Variants in MGAT5 observed in about 807,000 individuals in gnomAD.
MGAT5 encodes alpha-1,6-mannosylglycoprotein 6-beta-N-acetylglucosaminyltransferase A.
MGAT5 carries 30 observed loss-of-function variants against 94.3 expected under a neutral mutation model. That is an observed-to-expected ratio of 0.32 (90% confidence interval 0.24 to 0.43). The LOEUF is 0.43. MGAT5 is among the 20% of genes least tolerant of loss of function. The probability of loss-of-function intolerance (pLI) is 1.00; values close to 1 mark genes in which losing one functional copy is unlikely to be tolerated. For synonymous variants in MGAT5, 310 were observed against 322.9 expected, an observed-to-expected ratio of 0.96 and a Z score of 0.43; for missense variants, 691 against 905.5, an observed-to-expected ratio of 0.76 and a Z score of 3.04.
At chr2:134,283,362 A>G (rs1684816078) in intron 2 of MGAT5, among the ~76,000 whole-genome samples, 1 of 152,194 alleles carries the variant, frequency 6.6e-6, no homozygotes, top group Non-Finnish European at 1.5e-5. Context: ...GTTTTGGCAA[A>G]TGGTTTTAAG....
At chr2:134,298,216 C>T (rs889428946) in intron 2 of MGAT5, among the ~76,000 whole-genome samples, 1 of 152,134 alleles carries the variant, frequency 6.6e-6, no homozygotes. Context: ...CTACCTCAGC[C>T]TCCCAAGTAG....
At chr2:134,335,673 T>A (rs539329536) in intron 4 of MGAT5, among the ~76,000 whole-genome samples, 1 of 152,138 alleles carries the variant, frequency 6.6e-6, no homozygotes, top group Admixed American at 6.6e-5. Context: ...CTTGAGATAG[T>A]GTGAAGCAAA....
chr2:134,201,621 C>T (rs573978101), intron 1 of MGAT5, among the ~76,000 whole-genome samples: 68 of 152,176 alleles, frequency 4.5e-4, no homozygotes, highest in African/African-American at 1.4e-3. Context: ...ATCCTTTTCT[C>T]CTTTCACCTT....
At chr2:134,355,794 G>T (rs1242647039) in intron 9 of MGAT5, among the ~76,000 whole-genome samples, 1 of 152,042 alleles carries the variant, frequency 6.6e-6, no homozygotes, top group Non-Finnish European at 1.5e-5. Context: ...AAAAACATTG[G>T]CAGTGGTAAA....
At chr2:134,278,497 G>A (rs1684511520) in intron 2 of MGAT5, among the ~76,000 whole-genome samples, 2 of 152,172 alleles carry the variant, frequency 1.3e-5, no homozygotes, top group Admixed American at 6.5e-5. Context: ...CTAGGCCTGG[G>A]TCACATGGGT....
At chr2:134,227,189 C>G (rs1296142563) in intron 1 of MGAT5, among the ~76,000 whole-genome samples, 1 of 152,178 alleles carries the variant, frequency 6.6e-6, no homozygotes, top group Non-Finnish European at 1.5e-5. Context: ...CATACTCTTT[C>G]CCACTGAAAA....
intron 1 of MGAT5, among the ~76,000 whole-genome samples, chr2:134,263,222 T>C (rs543640040): frequency 6.6e-6 from 1 of 152,280 alleles, no homozygotes; most frequent in South Asian, 2.1e-4. Context: ...AATTCTTGGT[T>C]CCTATTCCCT....
intron 11 of MGAT5, among the ~76,000 whole-genome samples, chr2:134,412,308 T>G (rs1683716387): frequency 6.6e-6 from 1 of 152,156 alleles, no homozygotes; most frequent in Non-Finnish European, 1.5e-5. Context: ...AAGATGTTGG[T>G]GTCCCCAGTG....
intron 1 of MGAT5, among the ~76,000 whole-genome samples, chr2:134,234,267 G>A (rs979416976): frequency 2.0e-5 from 3 of 152,202 alleles, no homozygotes; most frequent in Non-Finnish European, 4.4e-5. Context: ...TCCTAGAGCA[G>A]TGATGCCTAT....
At chr2:134,429,779 A>G (rs1034042762) in intron 14 of MGAT5, among the ~76,000 whole-genome samples, 5 of 152,238 alleles carry the variant, frequency 3.3e-5, no homozygotes, top group African/African-American at 9.6e-5. Context: ...GAATGACAGT[A>G]TCATCACAAC....
chr2:134,300,455 AGTAAAGG>A (rs144045905), intron 2 of MGAT5, among the ~76,000 whole-genome samples: 2,636 of 152,216 alleles, frequency 0.017, 86 homozygotes, highest in African/African-American at 0.06. Flanking sequence ...ACCTTAATGG[AGTAAAGG>A]CTGTTTTTTA....
At chr2:134,220,798 C>T (rs1680723673) in intron 1 of MGAT5, among the ~76,000 whole-genome samples, 1 of 152,154 alleles carries the variant, frequency 6.6e-6, no homozygotes, top group South Asian at 2.1e-4. Flanking sequence ...ATGTTACTGA[C>T]TCCTCACTCT....
At chr2:134,185,669 G>A (rs1278642308) in intron 1 of MGAT5, among the ~76,000 whole-genome samples, 3 of 152,110 alleles carry the variant, frequency 2.0e-5, no homozygotes, top group Non-Finnish European at 4.4e-5. Flanking sequence ...CCCAGAAAAA[G>A]AAATTAAACA....
Position 134,335,646 on chromosome 2 carries a change from G to A in MGAT5, c.574-571G>A, listed in dbSNP as rs550350499. Among the ~76,000 whole-genome samples the A allele has an allele frequency of 4.6e-5, 7 of 150,910 alleles. 1 individual carries two copies. The South Asian group carries it at 1.5e-3, about 32-fold the overall frequency. On this transcript the variant is annotated intron_variant, in intron 4 of 15. Transcript: ENST00000281923. ...CTCCTTTCATTTCTTTCTCAGATAG[G>A]TTTTACCACCTTATTTCTTGAGATA...
intron 1 of MGAT5, among the ~76,000 whole-genome samples, chr2:134,198,452 G>A (rs939752107): frequency 6.6e-6 from 1 of 152,220 alleles, no homozygotes; most frequent in Non-Finnish European, 1.5e-5. Context: ...CTAGCTGGGT[G>A]TGTGAGGCTT....
chr2:134,384,880 A>G (rs1681873163), intron 10 of MGAT5, among the ~76,000 whole-genome samples: 1 of 152,222 alleles, frequency 6.6e-6, no homozygotes, highest in Non-Finnish European at 1.5e-5. Context: ...TTTACCTTTA[A>G]AAAGGTCAAA....
At chr2:134,276,656 G>C (rs139245808) in intron 2 of MGAT5, among the ~76,000 whole-genome samples, 80 of 152,310 alleles carry the variant, frequency 5.3e-4, no homozygotes, top group African/African-American at 1.9e-3. Context: ...TTTCTATTTT[G>C]TTCCCTGGGC....
chr2:134,236,352 T>A (rs1681637643), intron 1 of MGAT5, among the ~76,000 whole-genome samples: 1 of 152,190 alleles, frequency 6.6e-6, no homozygotes, highest in Admixed American at 6.5e-5. Context: ...CCATGAAACC[T>A]CTTGAGGCTT....
At chr2:134,260,932 C>T (rs944011751) in intron 1 of MGAT5, among the ~76,000 whole-genome samples, 2 of 151,990 alleles carry the variant, frequency 1.3e-5, no homozygotes, top group African/African-American at 4.8e-5. Flanking sequence ...AAGCTTGGAA[C>T]CTAAAAATGG....
Sources: gnomAD v4.1 joint callset for allele counts (sites outside exome capture counted in the v4.1 genomes callset) on GRCh38, gnomAD v4.1.1 for gene constraint, MANE v1.5 for transcripts, NCBI Gene and HGNC (gene_info 2026-07-23, HGNC 2026-07-21) for gene names.